Variants in PAM observed in about 807,000 individuals in gnomAD.
PAM encodes the protein peptidylglycine alpha-amidating monooxygenase, also known as peptidyl-glycine alpha-amidating monooxygenase.
Under a neutral mutation model 122.1 loss-of-function variants are expected in PAM, and 72 were observed. The ratio of observed to expected loss-of-function variants is 0.59; its 90% CI spans 0.49 to 0.72. The LOEUF (loss-of-function observed/expected upper bound fraction) is 0.72. PAM is among the 30% of genes least tolerant of loss of function. PAM has a pLI of 0.00. For synonymous variants in PAM, 389 were observed against 404.4 expected, an observed-to-expected ratio of 0.96 and a Z score of 0.46; for missense variants, 1,106 against 1,183.7, an observed-to-expected ratio of 0.93 and a Z score of 0.96.
intron 23 of PAM, among the ~76,000 whole-genome samples, chr5:103,022,756 C>T (rs539060834): frequency 6.6e-6 from 1 of 152,078 alleles, no homozygotes; most frequent in East Asian, 1.9e-4. Flanking sequence ...CATAGATGCT[C>T]CAAATTACTG....
At chr5:102,904,896 C>T (rs1037773376) in intron 4 of PAM, among the ~76,000 whole-genome samples, 2 of 151,394 alleles carry the variant, frequency 1.3e-5, no homozygotes, top group African/African-American at 4.8e-5. Flanking sequence ...GAGCAAATAC[C>T]ATCACAGTCA....
intron 3 of PAM, among the ~76,000 whole-genome samples, chr5:102,882,154 G>C (rs2151150472): frequency 7.7e-6 from 1 of 130,530 alleles, no homozygotes; most frequent in Non-Finnish European, 1.6e-5. Flanking sequence ...TGGGCATTTG[G>C]GCTGGTTCCA....
At position 102,802,979 on chromosome 5, in the gene PAM, C is replaced by T. The variant is rs538882373; in HGVS notation, c.-374+47631C>T. Reference sequence around the variant, plus strand: ...CACACAAAAAACATTAAAAAATTGCCAGGTGTGGTGGTGCATGCCAGTAGT... The same window carrying T: ...CACACAAAAAACATTAAAAAATTGCTAGGTGTGGTGGTGCATGCCAGTAGT... On this transcript the variant is annotated intron_variant, in intron 1 of 25. Transcript: ENST00000438793. Among the ~76,000 whole-genome samples the T allele has an allele frequency of 8.9e-4, 135 of 152,028 alleles. 1 individual carries two copies. Among genetic ancestry groups the T allele is most frequent in the Middle Eastern group, 6.8e-3 (2 of 294 alleles).
intron 2 of PAM, 148 bp downstream of exon 2, chr5:102,866,432 C>T (rs407129): frequency 1.6e-5 from 10 of 633,662 alleles, no homozygotes; most frequent in Non-Finnish European, 2.9e-5. Flanking sequence ...TTGTGAAGTC[C>T]CCCGTGCAGA....
At chr5:102,856,725 T>C (rs1002610852) in intron 1 of PAM, among the ~76,000 whole-genome samples, 3 of 152,210 alleles carry the variant, frequency 2.0e-5, no homozygotes. Flanking sequence ...AATTTTTTAC[T>C]TTTGGCAAGT....
At chr5:102,893,071 G>C (rs1174987511) in intron 3 of PAM, among the ~76,000 whole-genome samples, 1 of 151,732 alleles carries the variant, frequency 6.6e-6, no homozygotes, top group Non-Finnish European at 1.5e-5. Context: ...CTTTCTTCTG[G>C]TTCAAGACAG....
At chr5:102,997,912 A>T (rs985414313) in intron 16 of PAM, among the ~76,000 whole-genome samples, 3 of 152,182 alleles carry the variant, frequency 2.0e-5, no homozygotes, top group Non-Finnish European at 4.4e-5. Context: ...TGGCACAAGG[A>T]CTGTGGGTCT....
intron 1 of PAM, among the ~76,000 whole-genome samples, chr5:102,814,960 C>T (rs76036913): frequency 0.014 from 2,099 of 152,078 alleles, 53 homozygotes; most frequent in African/African-American, 0.048. Context: ...CACACACACG[C>T]ACCCCCCATA....
At chr5:102,813,681 A>C (rs1054580389) in intron 1 of PAM, among the ~76,000 whole-genome samples, 3 of 152,174 alleles carry the variant, frequency 2.0e-5, no homozygotes, top group African/African-American at 7.2e-5. Flanking sequence ...GGAATGCCCC[A>C]TTTCTGCCAA....
At chr5:102,891,200 G>A (rs545866736) in intron 3 of PAM, among the ~76,000 whole-genome samples, 1 of 151,892 alleles carries the variant, frequency 6.6e-6, no homozygotes, top group African/African-American at 2.4e-5. Context: ...CCTATGTCAG[G>A]TAGTCTTTGG....
chr5:102,971,075 G>A (rs66730942), intron 14 of PAM, among the ~76,000 whole-genome samples: 2 of 152,056 alleles, frequency 1.3e-5, no homozygotes, highest in African/African-American at 4.8e-5. Flanking sequence ...CCAGTGCTGG[G>A]ATTACAGGCA....
chr5:102,780,777 T>C (rs1220476853), intron 1 of PAM, among the ~76,000 whole-genome samples: 3 of 129,238 alleles, frequency 2.3e-5, no homozygotes, highest in African/African-American at 9.2e-5. Flanking sequence ...CTTTCTTTCT[T>C]TCTTTCTTTC....
chr5:102,983,718 T>C (rs1770742108), intron 15 of PAM, among the ~76,000 whole-genome samples: 1 of 152,102 alleles, frequency 6.6e-6, no homozygotes, highest in African/African-American at 2.4e-5. Flanking sequence ...GTAAAGGGTC[T>C]TCTCCGAGAC....
intron 19 of PAM, 31 bp from the exon 20 acceptor site, chr5:103,007,426 T>C (rs372376792): frequency 4.4e-6 from 7 of 1,587,162 alleles, no homozygotes; most frequent in Non-Finnish European, 6.0e-6. Context: ...TTTTTAACAT[T>C]GTGTATCTAA....
intron 15 of PAM, among the ~76,000 whole-genome samples, chr5:102,988,239 C>CTGTCATATTCCTATCCTAT (rs1772605526): frequency 2.8e-5 from 4 of 143,432 alleles, no homozygotes; most frequent in African/African-American, 9.0e-5. Context: ...CTGCCCACTT[C>CTGTCATATTCCTATCCTAT]TACACTTAAT....
intron 4 of PAM, among the ~76,000 whole-genome samples, chr5:102,910,199 G>A (rs932572548): frequency 4.0e-5 from 6 of 151,800 alleles, no homozygotes; most frequent in Non-Finnish European, 7.4e-5. Context: ...AGAGAATTTT[G>A]TGGCCCTGAT....
At chr5:103,006,228 T>C (rs940288726) in intron 18 of PAM, among the ~76,000 whole-genome samples, 42 of 152,306 alleles carry the variant, frequency 2.8e-4, no homozygotes, top group African/African-American at 9.4e-4. Context: ...GTGGCCATCG[T>C]GTCTGGGCCT....
intron 1 of PAM, among the ~76,000 whole-genome samples, chr5:102,795,559 A>G (rs1201269718): frequency 6.6e-6 from 1 of 152,220 alleles, no homozygotes; most frequent in Admixed American, 6.5e-5. Flanking sequence ...TATTAACTAA[A>G]TGACTTTCTT....
intron 1 of PAM, among the ~76,000 whole-genome samples, chr5:102,783,468 C>T (rs1169938265): frequency 6.6e-6 from 1 of 152,132 alleles, no homozygotes; most frequent in Non-Finnish European, 1.5e-5. Flanking sequence ...TCAATACCAA[C>T]ACCAGTATTT....
Sources: allele counts gnomAD v4.1 joint callset (sites outside exome capture counted in the v4.1 genomes callset), GRCh38; gene constraint gnomAD v4.1.1; transcripts MANE v1.5; gene names NCBI Gene and HGNC (gene_info 2026-07-23, HGNC 2026-07-21).